The following NTRK3 variants were observed in gnomAD, a reference collection of about 807,000 sequenced individuals.
The protein encoded by NTRK3 is neurotrophic receptor tyrosine kinase 3, also known as NT-3 growth factor receptor.
Under a neutral mutation model 91.7 loss-of-function variants are expected in NTRK3, and 24 were observed. The ratio of observed to expected loss-of-function variants is 0.26; its 90% CI spans 0.19 to 0.37. The LOEUF (loss-of-function observed/expected upper bound fraction) is 0.37. NTRK3 is among the 10% of genes least tolerant of loss of function. NTRK3 has a pLI of 1.00. For synonymous variants in NTRK3, 483 were observed against 404.0 expected, an observed-to-expected ratio of 1.20 and a Z score of -2.34; for missense variants, 880 against 1,068.9, an observed-to-expected ratio of 0.82 and a Z score of 2.46.
intron 5 of NTRK3, among the ~76,000 whole-genome samples, chr15:88,176,575 C>G (rs1313466049): frequency 6.6e-6 from 1 of 152,198 alleles, no homozygotes; most frequent in Non-Finnish European, 1.5e-5. Context: ...TACCAAGGCC[C>G]ACATTCTAGT....
intron 3 of NTRK3, among the ~76,000 whole-genome samples, chr15:88,228,036 A>C (rs8042985): frequency 6.6e-6 from 1 of 152,124 alleles, no homozygotes; most frequent in Non-Finnish European, 1.5e-5. Flanking sequence ...GCCAGCCCAG[A>C]AACTCCAACT....
intron 13 of NTRK3, among the ~76,000 whole-genome samples, chr15:88,054,675 G>A (rs1218483467): frequency 1.3e-5 from 2 of 152,030 alleles, no homozygotes; most frequent in East Asian, 1.9e-4. Flanking sequence ...CAGAGATGAG[G>A]CCAAAATACT....
chr15:88,141,836 C>T (rs1385342530), intron 6 of NTRK3, among the ~76,000 whole-genome samples: 1 of 152,220 alleles, frequency 6.6e-6, no homozygotes, highest in Non-Finnish European at 1.5e-5. Context: ...AGGCTTTGTA[C>T]AAATTTTCTG....
At chr15:88,122,784 A>T (rs903102406) in intron 13 of NTRK3, among the ~76,000 whole-genome samples, 1 of 152,162 alleles carries the variant, frequency 6.6e-6, no homozygotes, top group African/African-American at 2.4e-5. Flanking sequence ...CTGCCCAGAC[A>T]TCTCAGATCT....
intron 15 of NTRK3, among the ~76,000 whole-genome samples, chr15:87,937,485 C>G (rs2069407846): frequency 6.6e-6 from 1 of 152,088 alleles, no homozygotes; most frequent in African/African-American, 2.4e-5. Flanking sequence ...ATGTTTTAAG[C>G]TCCTGCTTCA....
chr15:87,884,381 G>A (rs968993054), intron 17 of NTRK3, among the ~76,000 whole-genome samples: 17 of 151,678 alleles, frequency 1.1e-4, no homozygotes, highest in African/African-American at 3.9e-4. Flanking sequence ...ATAGTTTTCT[G>A]GTTGAGTTCT....
intron 14 of NTRK3, among the ~76,000 whole-genome samples, chr15:88,023,005 T>G (rs2077714678): frequency 6.6e-6 from 1 of 152,190 alleles, no homozygotes; most frequent in Non-Finnish European, 1.5e-5. Flanking sequence ...CCAAAGTGCA[T>G]GCTAGGAAAG....
intron 17 of NTRK3, among the ~76,000 whole-genome samples, chr15:87,915,479 A>G (rs1381328414): frequency 6.6e-6 from 1 of 152,232 alleles, no homozygotes; most frequent in Non-Finnish European, 1.5e-5. Context: ...TCCACAATAG[A>G]AAAGCTCTTC....
At chr15:88,170,123 G>A (rs1466837566) in intron 5 of NTRK3, among the ~76,000 whole-genome samples, 1 of 152,104 alleles carries the variant, frequency 6.6e-6, no homozygotes, top group Admixed American at 6.5e-5. Flanking sequence ...TTCCTGGAGG[G>A]TATTAATGTA....
intron 13 of NTRK3, among the ~76,000 whole-genome samples, chr15:88,047,534 T>C (rs1211857045): frequency 1.3e-5 from 2 of 152,226 alleles, no homozygotes; most frequent in Non-Finnish European, 2.9e-5. Flanking sequence ...CTTGTACTGA[T>C]GTCTAGATCA....
chr15:88,014,365 GT>G (rs2077084786), intron 14 of NTRK3, among the ~76,000 whole-genome samples: 1 of 152,130 alleles, frequency 6.6e-6, no homozygotes, highest in Non-Finnish European at 1.5e-5. Flanking sequence ...TCCTTATGCA[GT>G]TTAATATCAT....
intron 13 of NTRK3, among the ~76,000 whole-genome samples, chr15:88,108,971 C>T (rs1201648461): frequency 6.6e-6 from 1 of 152,146 alleles, no homozygotes; most frequent in Non-Finnish European, 1.5e-5. Flanking sequence ...AGAAAGAATC[C>T]CTCCCTCTCT....
At chr15:88,147,213 C>T in intron 6 of NTRK3, 122 bp downstream of exon 6, 1 of 911,536 alleles carries the variant, frequency 1.1e-6, no homozygotes, top group Admixed American at 2.0e-5. Context: ...GTCAACCAAC[C>T]CAAGTAGGCT....
chr15:88,146,416 A>T (rs1292409503), intron 6 of NTRK3, among the ~76,000 whole-genome samples: 1 of 152,222 alleles, frequency 6.6e-6, no homozygotes, highest in Admixed American at 6.5e-5. Flanking sequence ...GATCTGCGTC[A>T]CCAAGTAAGA....
intron 6 of NTRK3, among the ~76,000 whole-genome samples, chr15:88,140,715 G>A (rs1405066174): frequency 1.3e-5 from 2 of 152,222 alleles, no homozygotes; most frequent in African/African-American, 4.8e-5. Context: ...GAGAGGATGA[G>A]AGTGAAAAAG....
At chr15:87,872,573 G>A (rs2064850428) in exon 19 of NTRK3, 1 of 230,938 alleles carries the variant, frequency 4.3e-6, no homozygotes. Context: ...GAACAGGGAA[G>A]GTTGACTAGC....
At chr15:88,081,180 G>A (rs1469020486) in intron 13 of NTRK3, among the ~76,000 whole-genome samples, 1 of 152,308 alleles carries the variant, frequency 6.6e-6, no homozygotes, top group East Asian at 1.9e-4. Context: ...TGGCCAGGCT[G>A]AGATTGAGGC....
At chr15:88,206,624 C>G (rs1277441204) in intron 3 of NTRK3, among the ~76,000 whole-genome samples, 2 of 147,330 alleles carry the variant, frequency 1.4e-5, no homozygotes, top group African/African-American at 2.5e-5. Context: ...CGCCACTGCA[C>G]TCCGGCCTGG....
At position 87,928,098 on chromosome 15, in the gene NTRK3, A is replaced by G. The variant is rs150267461; in HGVS notation, c.2133+1093T>C. The G allele has an allele frequency of 2.2e-4, 33 of 152,202 alleles. 1 individual carries two copies. In the East Asian group the frequency reaches 5.4e-3, roughly 25 times the overall value. The allele number at this position is 152,202 out of a possible 1,614,324, so 9.4% of individuals were successfully genotyped here. On this transcript the variant is annotated intron_variant, in intron 17 of 18. Transcript: ENST00000394480. The stretch of plus-strand genomic sequence containing the variant: ...AGGTTCAAGAAATTCTCCTGCTTCA[A>G]CCTCCCGAGTAGCTGGGACTACAGG...
Sources: allele counts gnomAD v4.1 joint callset (sites outside exome capture counted in the v4.1 genomes callset), GRCh38; gene constraint gnomAD v4.1.1; transcripts MANE v1.5; gene names NCBI Gene and HGNC (gene_info 2026-07-23, HGNC 2026-07-21).